KCNJ6: variants seen among roughly 807,000 people sequenced by gnomAD.
KCNJ6 encodes potassium inwardly rectifying channel subfamily J member 6, also known as G protein-activated inward rectifier potassium channel 2.
Under a neutral mutation model 34.2 loss-of-function variants are expected in KCNJ6, and 9 were observed. That is an observed-to-expected ratio of 0.26 (90% CI 0.16 to 0.46). The LOEUF is 0.46. Ranked by LOEUF, KCNJ6 falls within the 20% of genes least tolerant of loss-of-function variation. The probability of loss-of-function intolerance (pLI) is 1.00; values close to 1 mark genes in which losing one functional copy is unlikely to be tolerated. For synonymous variants in KCNJ6, 196 were observed against 207.1 expected (o/e 0.95, Z 0.46); for missense variants, 236 against 531.3 (o/e 0.44, Z 5.46).
intron 3 of KCNJ6, among the ~76,000 whole-genome samples, chr21:37,636,594 G>GA (rs745378357): frequency 7.4e-4 from 113 of 152,336 alleles, no homozygotes; most frequent in Non-Finnish European, 1.4e-3. Flanking sequence ...GCTTGGAGGG[G>GA]AAGGGAGTGC....
At chr21:37,770,823 T>C (rs556177583) in intron 2 of KCNJ6, among the ~76,000 whole-genome samples, 9 of 152,344 alleles carry the variant, frequency 5.9e-5, no homozygotes, top group African/African-American at 2.2e-4. Context: ...TTTGTATATA[T>C]ATGTTTTCCC....
chr21:37,762,428 G>A (rs1475977221), intron 2 of KCNJ6, among the ~76,000 whole-genome samples: 1 of 152,178 alleles, frequency 6.6e-6, no homozygotes, highest in Non-Finnish European at 1.5e-5. Context: ...AAACCACGTG[G>A]TCCACAGGTC....
chr21:37,729,638 A>C (rs997466805), intron 2 of KCNJ6, among the ~76,000 whole-genome samples: 5 of 152,224 alleles, frequency 3.3e-5, no homozygotes, highest in Non-Finnish European at 7.3e-5. Flanking sequence ...ATTCTTCTTT[A>C]AAGCGATTTC....
intron 3 of KCNJ6, among the ~76,000 whole-genome samples, chr21:37,702,234 C>A (rs371153894): frequency 0.022 from 2,149 of 97,668 alleles, no homozygotes; most frequent in South Asian, 0.025. Context: ...TTTTGTCTCA[C>A]AAAAAAAAAA....
rs535631822 is a variant in KCNJ6 at position 37,703,738 on chromosome 21, G to A, written c.946+10473C>T. Among the ~76,000 whole-genome samples the A allele has an allele frequency of 1.6e-3, 247 of 152,300 alleles. 2 individuals carry two copies. Among genetic ancestry groups the A allele is most frequent in the Admixed American group, 3.7e-3 (56 of 15,302 alleles). ...GTTCATGAGATGCTCCTTGTACCTG[G>A]TCAAGTATGTGTCAGACTGCACTCA... On this transcript the variant is annotated intron_variant, in intron 3 of 3. Coordinates refer to ENST00000609713, the MANE Select transcript of KCNJ6 (RefSeq NM_002240.5).
At chr21:37,630,829 ATTG>A (rs2054330746) in intron 3 of KCNJ6, among the ~76,000 whole-genome samples, 1 of 152,026 alleles carries the variant, frequency 6.6e-6, no homozygotes, top group Non-Finnish European at 1.5e-5. Flanking sequence ...TATATAATGC[ATTG>A]TTGTTAATGG....
At chr21:37,840,811 G>T in intron 1 of KCNJ6, 102 bp from the exon 2 acceptor site, 2 of 632,682 alleles carry the variant, frequency 3.2e-6, no homozygotes, top group Non-Finnish European at 5.5e-6. Flanking sequence ...CTTTTTCCTA[G>T]GTCAGAATTT....
chr21:37,826,203 T>G (rs1461835376), intron 2 of KCNJ6, among the ~76,000 whole-genome samples: 5 of 138,384 alleles, frequency 3.6e-5, no homozygotes, highest in African/African-American at 1.2e-4. Flanking sequence ...AATAATCCAG[T>G]ATAGAAATGT....
At chr21:37,646,790 C>G (rs1237190473) in intron 3 of KCNJ6, among the ~76,000 whole-genome samples, 1 of 151,930 alleles carries the variant, frequency 6.6e-6, no homozygotes, top group Admixed American at 6.5e-5. Flanking sequence ...CCTGCCTCAG[C>G]CTCCCCAGTA....
intron 2 of KCNJ6, among the ~76,000 whole-genome samples, chr21:37,793,240 G>T (rs1203598976): frequency 6.6e-6 from 1 of 152,164 alleles, no homozygotes; most frequent in Admixed American, 6.5e-5. Flanking sequence ...GTCAGACAAA[G>T]CAGGTTATTT....
intron 3 of KCNJ6, among the ~76,000 whole-genome samples, chr21:37,681,297 T>C (rs1166725880): frequency 3.3e-5 from 5 of 152,268 alleles, no homozygotes; most frequent in Non-Finnish European, 7.3e-5. Context: ...TGCTGACAAC[T>C]TGAAACTCTC....
chr21:37,708,523 G>A (rs189280847), intron 3 of KCNJ6, among the ~76,000 whole-genome samples: 3 of 152,224 alleles, frequency 2.0e-5, no homozygotes, highest in African/African-American at 7.2e-5. Flanking sequence ...AAGGAGAGCT[G>A]GATTTCTTGA....
At chr21:37,694,350 A>T (rs1191849124) in intron 3 of KCNJ6, among the ~76,000 whole-genome samples, 2 of 152,210 alleles carry the variant, frequency 1.3e-5, no homozygotes, top group Non-Finnish European at 2.9e-5. Context: ...GGACAAGCTC[A>T]CACGTTCAAA....
chr21:37,835,543 C>A (rs1484034814), intron 2 of KCNJ6, among the ~76,000 whole-genome samples: 4 of 152,194 alleles, frequency 2.6e-5, no homozygotes, highest in Non-Finnish European at 5.9e-5. Context: ...GTAAGAACAG[C>A]CTGCAAAGTA....
In KCNJ6 at chr21:37,717,933, C is replaced by A. The variant is rs566086263; in HGVS notation, c.26-2802G>T. On this transcript the variant is annotated intron_variant, in intron 2 of 3. Coordinates refer to ENST00000609713, the MANE Select transcript of KCNJ6 (RefSeq NM_002240.5). ...ATCCCTTTTCTGACTAAACTGCAAA[C>A]CCCCAGCTCCAGGCAATTGTCCTGA... Among the ~76,000 whole-genome samples, 275 of 152,340 alleles carry A rather than the reference C, an allele frequency of 1.8e-3. 2 individuals carry two copies. The highest frequency in any genetic ancestry group is 3.4e-3 in the Non-Finnish European group (231 of 68,028).
intron 3 of KCNJ6, among the ~76,000 whole-genome samples, chr21:37,627,638 G>A (rs201481383): frequency 6.6e-6 from 1 of 152,184 alleles, no homozygotes; most frequent in African/African-American, 2.4e-5. Context: ...AAGAAATTCT[G>A]GGGAAAGAGG....
intron 3 of KCNJ6, among the ~76,000 whole-genome samples, chr21:37,658,397 T>C (rs1357948964): frequency 6.6e-6 from 1 of 152,246 alleles, no homozygotes; most frequent in Non-Finnish European, 1.5e-5. Flanking sequence ...CCATTTAAAA[T>C]GGGTCCTGAA....
intron 3 of KCNJ6, among the ~76,000 whole-genome samples, chr21:37,663,813 A>C (rs1709819): frequency 0.59 from 89,379 of 151,988 alleles, 26,549 homozygotes; most frequent in East Asian, 0.85. Flanking sequence ...AATTAAATTA[A>C]TAGACAAAAA....
At chr21:37,808,780 G>C (rs193200228) in intron 2 of KCNJ6, among the ~76,000 whole-genome samples, 1 of 152,318 alleles carries the variant, frequency 6.6e-6, no homozygotes, top group East Asian at 1.9e-4. Flanking sequence ...AAGACTTCAA[G>C]CTTCTTTATT....
Sources: allele counts gnomAD v4.1 joint callset (sites outside exome capture counted in the v4.1 genomes callset), GRCh38; gene constraint gnomAD v4.1.1; transcripts MANE v1.5; gene names NCBI Gene and HGNC (gene_info 2026-07-23, HGNC 2026-07-21).